The following AGAP1 variants were observed in gnomAD, a reference collection of about 807,000 sequenced individuals.
AGAP1 encodes ArfGAP with GTPase domain, ankyrin repeat and PH domain 1, also known as arf-GAP with GTPase, ANK repeat and PH domain-containing protein 1.
Under a neutral mutation model 105.3 loss-of-function variants are expected in AGAP1, and 29 were observed. That is an observed-to-expected ratio of 0.28 (90% CI 0.21 to 0.38). AGAP1 has a LOEUF of 0.38. Ranked by LOEUF, AGAP1 falls within the 10% of genes least tolerant of loss-of-function variation. The pLI is 1.00. For missense variants in AGAP1, 998 were observed against 1,165.1 expected (o/e 0.86, Z 2.09); for synonymous variants, 509 against 485.9 (o/e 1.05, Z -0.63).
In AGAP1 at chr2:235,600,097, C is replaced by T. The variant is rs1442744403; in HGVS notation, c.163+105248C>T. 6.6e-6 allele frequency among the ~76,000 whole-genome samples: 1 copy of T among 152,166 alleles called. No homozygotes were observed. Among genetic ancestry groups the T allele is most frequent in the Non-Finnish European group, 1.5e-5 (1 of 68,014 alleles). Reference sequence around the variant, plus strand: ...AGCCCCTCTCTCCATCCCAGCCTTTCTTCCTCTCTCGTAACTGTTATTTAC... The same window carrying T: ...AGCCCCTCTCTCCATCCCAGCCTTTTTTCCTCTCTCGTAACTGTTATTTAC... On this transcript the variant is annotated intron_variant, in intron 1 of 17. Transcript: ENST00000304032. This position sits in a 1 kb window ranked among gnomAD's most constrained non-coding sequence, Gnocchi z 4.8.
chr2:235,932,782 G>A (rs550548585), intron 12 of AGAP1, among the ~76,000 whole-genome samples: 58 of 152,288 alleles, frequency 3.8e-4, no homozygotes, highest in Non-Finnish European at 7.5e-4. Context: ...TATGTGCAGT[G>A]GGCGTTTCCA....
intron 9 of AGAP1, among the ~76,000 whole-genome samples, chr2:235,849,246 G>T (rs1252269484): frequency 1.2e-4 from 19 of 152,202 alleles, no homozygotes; most frequent in Non-Finnish European, 2.9e-5. Flanking sequence ...AGAAAAGGAC[G>T]AGGTCCAACT....
intron 12 of AGAP1, among the ~76,000 whole-genome samples, chr2:235,938,700 G>T (rs2125197139): frequency 6.6e-6 from 1 of 152,184 alleles, no homozygotes; most frequent in African/African-American, 2.4e-5. Context: ...TGTCTCACTG[G>T]GCTCCGAGGA....
intron 1 of AGAP1, among the ~76,000 whole-genome samples, chr2:235,516,425 A>G (rs1455317991): frequency 6.6e-6 from 1 of 152,004 alleles, no homozygotes; most frequent in African/African-American, 2.4e-5. Context: ...GAGGCAGTAT[A>G]TGTCATGTCT....
intron 13 of AGAP1, among the ~76,000 whole-genome samples, chr2:236,015,623 C>T (rs1037669306): frequency 5.3e-5 from 8 of 152,156 alleles, no homozygotes; most frequent in African/African-American, 1.9e-4. Context: ...GGAAAACCAC[C>T]ACCATCAGCC....
chr2:235,859,619 A>G (rs2048841093), intron 9 of AGAP1, among the ~76,000 whole-genome samples: 1 of 151,480 alleles, frequency 6.6e-6, no homozygotes, highest in Non-Finnish European at 1.5e-5. Context: ...CACAATAGTA[A>G]CTCAATGCTC....
rs949904601 is a variant in AGAP1, at chr2:236,073,918, C to T, written c.2114+24637C>T. Among the ~76,000 whole-genome samples the T allele has an allele frequency of 3.6e-5, 5 of 139,740 alleles. No homozygotes were observed. The highest frequency in any genetic ancestry group is 2.2e-4 in the East Asian group (1 of 4,540). 91.7% of individuals were successfully genotyped at this position (139,740 alleles called of 152,430 possible). On this transcript the variant is annotated intron_variant, in intron 16 of 17. Transcript: ENST00000304032. This position sits in a 1 kb window ranked among gnomAD's most constrained non-coding sequence, Gnocchi z 5.4. Reference sequence around the variant, plus strand: ...GCATGCCCCTCCCCCCAAGCATTTCCGCTGCACATCCCAGCTCAAGAACCA... The same window carrying T: ...GCATGCCCCTCCCCCCAAGCATTTCTGCTGCACATCCCAGCTCAAGAACCA...
intron 1 of AGAP1, among the ~76,000 whole-genome samples, chr2:235,528,859 T>C (rs988603445): frequency 8.8e-6 from 1 of 113,668 alleles, no homozygotes; most frequent in African/African-American, 3.5e-5. Flanking sequence ...GTATTTTTAG[T>C]ACAGATGGGA....
chr2:235,677,957 A>G (rs1451900856), intron 1 of AGAP1, among the ~76,000 whole-genome samples: 4 of 110,140 alleles, frequency 3.6e-5, no homozygotes, highest in African/African-American at 3.3e-5. Flanking sequence ...AAAAAAAAAA[A>G]GCAAAACCAG....
intron 16 of AGAP1, among the ~76,000 whole-genome samples, chr2:236,085,457 T>C (rs2058905310): frequency 6.6e-6 from 1 of 152,172 alleles, no homozygotes; most frequent in Non-Finnish European, 1.5e-5. Flanking sequence ...AAATCTCTAA[T>C]GCATCTCTAG....
Position 236,095,631 on chromosome 2 carries a change from C to T in AGAP1, c.2115-24561C>T, listed in dbSNP as rs1199065357. The stretch of plus-strand genomic sequence containing the variant: ...TAGATATTGACATAGGCAGTGCTTA[C>T]AGTGTTGTGGTAATGTACTTTGATG... On this transcript the variant is annotated intron_variant, in intron 16 of 17. Coordinates refer to ENST00000304032, the MANE Select transcript of AGAP1 (RefSeq NM_001037131.3). This position sits in a 1 kb window ranked among gnomAD's most constrained non-coding sequence, Gnocchi z 4.1. Among the ~76,000 whole-genome samples, 2 of 152,156 alleles carry T rather than the reference C, an allele frequency of 1.3e-5. No homozygotes were observed. Among genetic ancestry groups the T allele is most frequent in the African/African-American group, 2.4e-5 (1 of 41,430 alleles).
intron 6 of AGAP1, among the ~76,000 whole-genome samples, chr2:235,795,136 C>T (rs1957184418): frequency 6.6e-6 from 1 of 152,110 alleles, no homozygotes; most frequent in Admixed American, 6.5e-5. Flanking sequence ...AGGGGGGTTC[C>T]TCCACTCACA....
rs201583884 is a variant in AGAP1, at chr2:235,614,020, T to C, written c.164-95159T>C. Among the ~76,000 whole-genome samples, 94 of 143,288 alleles carry C rather than the reference T, an allele frequency of 6.6e-4. No homozygotes were observed. The highest frequency in any genetic ancestry group is 9.2e-4 in the Non-Finnish European group (59 of 64,400). 94.0% of individuals were successfully genotyped at this position (143,288 alleles called of 152,430 possible). A position where few individuals can be genotyped will look rare whatever the true frequency, so the allele number is the denominator to read the frequency against. ...AATCTTTGGTATGGTTTTTTTTTTT[T>C]CCCCCTTTTGTGTGTTTTGGCCAAA... On this transcript the variant is annotated intron_variant, in intron 1 of 17. Coordinates refer to ENST00000304032, the MANE Select transcript of AGAP1 (RefSeq NM_001037131.3). This position sits in a 1 kb window ranked among gnomAD's most constrained non-coding sequence, Gnocchi z 4.7.
intron 1 of AGAP1, among the ~76,000 whole-genome samples, chr2:235,571,333 C>T (rs1368722872): frequency 6.6e-6 from 1 of 152,210 alleles, no homozygotes. Context: ...ATGATTGTCT[C>T]TATGTGCTGT....
chr2:235,738,354 C>T (rs911782279), intron 3 of AGAP1, among the ~76,000 whole-genome samples: 3 of 151,974 alleles, frequency 2.0e-5, no homozygotes, highest in African/African-American at 7.3e-5. Context: ...TCTGTTTACC[C>T]TCATTTCACA....
chr2:235,768,924 G>A (rs1354405735), intron 6 of AGAP1, among the ~76,000 whole-genome samples: 4 of 152,134 alleles, frequency 2.6e-5, no homozygotes, highest in South Asian at 2.1e-4. Context: ...ACCTGCTGCC[G>A]AAATACAGTT....
intron 10 of AGAP1, among the ~76,000 whole-genome samples, chr2:235,902,712 C>T (rs1246313487): frequency 6.6e-6 from 1 of 152,156 alleles, no homozygotes; most frequent in Non-Finnish European, 1.5e-5. Context: ...TCTTGTCCCA[C>T]CAAAAAAGTG....
At chr2:236,103,014 C>A (rs962074103) in intron 16 of AGAP1, among the ~76,000 whole-genome samples, 2 of 135,832 alleles carry the variant, frequency 1.5e-5, no homozygotes, top group East Asian at 2.7e-4. Context: ...GCCCACCCCC[C>A]ACCCCCAGGC....
At chr2:235,764,033 G>A (rs61682565) in intron 6 of AGAP1, among the ~76,000 whole-genome samples, 18 of 86,514 alleles carry the variant, frequency 2.1e-4, no homozygotes, top group Admixed American at 5.8e-4. Context: ...CGTGGCTTTG[G>A]CCCGTGCGTG....
Sources: gnomAD v4.1 joint callset for allele counts (sites outside exome capture counted in the v4.1 genomes callset) on GRCh38, gnomAD v4.1.1 for gene constraint, Gnocchi (gnomAD v3.1) non-coding constraint, MANE v1.5 for transcripts, NCBI Gene and HGNC (gene_info 2026-07-23, HGNC 2026-07-21) for gene names.